The following AFG2A variants were observed in gnomAD, a reference collection of about 807,000 sequenced individuals.
AFG2A encodes the protein ATPase family gene 2 protein homolog A.
At chr4:123,251,425 G>A in the AFG2A span, among the ~76,000 whole-genome samples, 3 of 152,236 alleles carry the variant, frequency 2.0e-5, no homozygotes, top group South Asian at 6.2e-4. Context: ...ATCATGTAGT[G>A]TCAAAATAGT....
chr4:123,097,029 TCA>T, the AFG2A span, among the ~76,000 whole-genome samples: 1 of 152,086 alleles, frequency 6.6e-6, no homozygotes, highest in Non-Finnish European at 1.5e-5. Context: ...CAGTGTCTAT[TCA>T]CAGATCATTA....
At chr4:122,949,398 T>C in the AFG2A span, among the ~76,000 whole-genome samples, 3 of 152,092 alleles carry the variant, frequency 2.0e-5, no homozygotes, top group Non-Finnish European at 4.4e-5. Context: ...TGAAGGGGAA[T>C]AGGTGAAGGT....
chr4:123,239,951 C>T, the AFG2A span, among the ~76,000 whole-genome samples: 1 of 152,144 alleles, frequency 6.6e-6, no homozygotes, highest in African/African-American at 2.4e-5. Flanking sequence ...TACAGAGACA[C>T]ATACAGGCTC....
At chr4:123,220,237 C>T in the AFG2A span, among the ~76,000 whole-genome samples, 3 of 152,232 alleles carry the variant, frequency 2.0e-5, no homozygotes. Flanking sequence ...AATTCTATTA[C>T]ATATTTATCT....
At chr4:123,048,098 T>C in the AFG2A span, among the ~76,000 whole-genome samples, 1 of 152,206 alleles carries the variant, frequency 6.6e-6, no homozygotes, top group Non-Finnish European at 1.5e-5. Flanking sequence ...CTTTTTCCAG[T>C]ATCATTTATT....
At chr4:123,061,762 C>G in the AFG2A span, among the ~76,000 whole-genome samples, 1 of 152,136 alleles carries the variant, frequency 6.6e-6, no homozygotes, top group Non-Finnish European at 1.5e-5. Context: ...CACTCAAGCC[C>G]TTTTATTACT....
chr4:123,010,212 A>G, the AFG2A span, among the ~76,000 whole-genome samples: 132,744 of 152,172 alleles, frequency 0.87, 58,203 homozygotes, highest in East Asian at 0.96. Context: ...ACTCCAAATG[A>G]TACAAACTCA....
At chr4:123,261,077 C>A in the AFG2A span, among the ~76,000 whole-genome samples, 11 of 152,240 alleles carry the variant, frequency 7.2e-5, no homozygotes, top group East Asian at 2.1e-3. Context: ...AGTTTCATTC[C>A]GAAACCATCC....
At chr4:123,092,025 T>C in the AFG2A span, among the ~76,000 whole-genome samples, 2 of 152,238 alleles carry the variant, frequency 1.3e-5, no homozygotes, top group African/African-American at 4.8e-5. Flanking sequence ...TATTTTGCTG[T>C]GTGATAAAGA....
chr4:123,252,031 G>C, the AFG2A span, among the ~76,000 whole-genome samples: 1 of 151,994 alleles, frequency 6.6e-6, no homozygotes, highest in Non-Finnish European at 1.5e-5. Context: ...TCCATGATTA[G>C]AGTTTGGGAA....
the AFG2A span, chr4:123,317,319 A>C: frequency 6.6e-6 from 1 of 152,052 alleles, no homozygotes; most frequent in Non-Finnish European, 1.5e-5. Context: ...CTTCAAATTC[A>C]TGAAACCTCA....
At chr4:123,119,036 C>G in the AFG2A span, among the ~76,000 whole-genome samples, 1 of 152,016 alleles carries the variant, frequency 6.6e-6, no homozygotes, top group Non-Finnish European at 1.5e-5. Flanking sequence ...TCTGAGGTAC[C>G]TTGAGTATCC....
At chr4:123,248,474 T>C in the AFG2A span, among the ~76,000 whole-genome samples, 4 of 152,234 alleles carry the variant, frequency 2.6e-5, no homozygotes, top group Non-Finnish European at 2.9e-5. Context: ...AGCAACATTT[T>C]CAAAAGTTAG....
chr4:123,059,498 G>A, the AFG2A span, among the ~76,000 whole-genome samples: 1 of 151,764 alleles, frequency 6.6e-6, no homozygotes, highest in Admixed American at 6.6e-5. Flanking sequence ...ATTTTTTATG[G>A]CTGCATAGTA....
At chr4:123,103,703 G>A in the AFG2A span, among the ~76,000 whole-genome samples, 1 of 152,054 alleles carries the variant, frequency 6.6e-6, no homozygotes, top group African/African-American at 2.4e-5. Context: ...AGACCTGTTT[G>A]TAATGTTTAT....
the AFG2A span, among the ~76,000 whole-genome samples, chr4:123,011,906 G>T: frequency 2.0e-5 from 3 of 150,322 alleles, no homozygotes; most frequent in Admixed American, 2.0e-4. Context: ...GAGAGAAGGG[G>T]TGTGGGGTGC....
chr4:123,275,952 T>A, the AFG2A span, among the ~76,000 whole-genome samples: 1 of 152,316 alleles, frequency 6.6e-6, no homozygotes, highest in South Asian at 2.1e-4. Flanking sequence ...ACAGTGAACA[T>A]ACATGTGTCT....
chr4:123,011,565 C>A, the AFG2A span, among the ~76,000 whole-genome samples: 1 of 152,126 alleles, frequency 6.6e-6, no homozygotes, highest in East Asian at 1.9e-4. Context: ...GACCGTTTGC[C>A]CATTTTATGA....
the AFG2A span, among the ~76,000 whole-genome samples, chr4:123,123,041 A>G: frequency 1.4e-4 from 21 of 152,244 alleles, no homozygotes; most frequent in African/African-American, 5.1e-4. Flanking sequence ...AAGAAAATCT[A>G]TTTTACTTTA....
Sources: allele counts gnomAD v4.1 joint callset (sites outside exome capture counted in the v4.1 genomes callset), GRCh38; gene constraint gnomAD v4.1.1; transcripts MANE v1.5; gene names NCBI Gene and HGNC (gene_info 2026-07-23, HGNC 2026-07-21).